CEACAM16: variants seen among roughly 807,000 people sequenced by gnomAD.
The protein encoded by CEACAM16 is cell adhesion molecule CEACAM16.
Under a neutral mutation model 39.4 loss-of-function variants are expected in CEACAM16, and 30 were observed. The ratio of observed to expected loss-of-function variants is 0.76; its 90% confidence interval spans 0.57 to 1.03. The LOEUF (loss-of-function observed/expected upper bound fraction) is 1.03, where lower values mean the gene tolerates loss of function less well. Among genes scored for constraint, CEACAM16 ranks in the 50% least tolerant of loss-of-function variants. The probability of loss-of-function intolerance (pLI) is 0.00; values close to 1 mark genes in which losing one functional copy is unlikely to be tolerated. For synonymous variants in CEACAM16, 262 were observed against 264.9 expected (o/e 0.99, Z 0.11); for missense variants, 521 against 585.3 (o/e 0.89, Z 1.13).
In CEACAM16 at chr19:44,699,739, G is replaced by A. The variant is rs114151928; in HGVS notation, c.-97+479G>A. Among the ~76,000 whole-genome samples the A allele has an allele frequency of 7.8e-3, 1,184 of 152,226 alleles. 17 individuals are homozygous for A. Among genetic ancestry groups the A allele is most frequent in the African/African-American group, 0.026 (1,099 of 41,534 alleles). ...TAACAGGCATACCAATCAGACCCAC[G>A]TCCACCAGGCTCTGGCTTAAATCCC... On this transcript the variant is annotated intron_variant, in intron 1 of 6. Transcript: ENST00000587331.
At chr19:44,706,385 T>C (rs1045661321) in intron 5 of CEACAM16, among the ~76,000 whole-genome samples, 1 of 152,092 alleles carries the variant, frequency 6.6e-6, no homozygotes, top group Non-Finnish European at 1.5e-5. Flanking sequence ...GCTTCTGTCC[T>C]AAAATGACCT....
At chr19:44,705,992 C>T in intron 5 of CEACAM16, 124 bp downstream of exon 5, 1 of 1,198,786 alleles carries the variant, frequency 8.3e-7, no homozygotes, top group Non-Finnish European at 1.2e-6. Context: ...CATTCATGAG[C>T]TGTGACAAAG....
intron 4 of CEACAM16, among the ~76,000 whole-genome samples, chr19:44,704,960 T>A (rs1175678943): frequency 6.6e-6 from 1 of 152,100 alleles, no homozygotes; most frequent in East Asian, 1.9e-4. Context: ...AACCAAAGCA[T>A]GCAGTCGTTC....
At chr19:44,700,985 G>T (rs968409698) in intron 1 of CEACAM16, among the ~76,000 whole-genome samples, 1 of 152,178 alleles carries the variant, frequency 6.6e-6, no homozygotes, top group African/African-American at 2.4e-5. Context: ...CATCCGCTGA[G>T]ACAACACCTG....
chr19:44,699,365 G>T (rs1251413539), intron 1 of CEACAM16, 105 bp downstream of exon 1: 1 of 502,634 alleles, frequency 2.0e-6, no homozygotes. Context: ...CTGAGGCTTG[G>T]CAGAGTCCAT....
At position 44,704,058 on chromosome 19, in the gene CEACAM16, G is replaced by A. The variant is rs1181779474; in HGVS notation, c.423G>A (p.Ala141=). The change falls in exon 4 of 7, where the codon GCG becomes GCA. Residue 141 remains alanine, a synonymous_variant. Coordinates refer to ENST00000587331, the MANE Select transcript of CEACAM16 (RefSeq NM_001039213.4). ...AQPTVLANST[A]LVERRDTLRL... is the part of the protein sequence containing the mutation. ...CCACAGTCTTGGCCAACAGCACAGCGCTGGTGGAACGTCGAGACACCCTGC... is the reference window on the plus strand; with the variant it reads ...CCACAGTCTTGGCCAACAGCACAGCACTGGTGGAACGTCGAGACACCCTGC... 23 of 1,610,392 alleles carry A rather than the reference G, an allele frequency of 1.4e-5. No individual in the cohort carries two copies. Among genetic ancestry groups the A allele is most frequent in the South Asian group, 4.4e-5 (4 of 90,714 alleles).
rs551887849 is a variant in CEACAM16 at position 44,703,476 on chromosome 19, G to A, written c.165G>A (p.Ala55=). 2.9e-5 allele frequency: 47 copies of A among 1,613,804 alleles called. 1 individual carries two copies. Among genetic ancestry groups the A allele is most frequent in the Admixed American group, 2.8e-4 (17 of 60,008 alleles). ...SGELLAYSWY[A]GPTLSVSYLV... ...AACTGCTCGCCTACAGCTGGTATGC[G>A]GGGCCCACACTCAGCGTGTCATACC... Residue 55 remains alanine, a synonymous_variant, in exon 3 of 7, where the codon GCG becomes GCA. Coordinates refer to ENST00000587331, the MANE Select transcript of CEACAM16 (RefSeq NM_001039213.4).
rs1456226708 is a variant in CEACAM16 at position 44,703,402 on chromosome 19, C to A, written c.91C>A (p.Pro31Thr). ...CTCTATCACCCTGGAGCCTGCCCAGCCGAGCGAAGGGGACAACGTCACGCT... is the reference window on the plus strand; with the variant it reads ...CTCTATCACCCTGGAGCCTGCCCAGACGAGCGAAGGGGACAACGTCACGCT... ...EISITLEPAQ[P>T]SEGDNVTLVV... The change falls in exon 3 of 7, where the codon CCG becomes ACG. Residue 31 changes from proline to threonine, a missense_variant. Pro to Thr is a conservative substitution (Grantham distance 38). Coordinates refer to ENST00000587331, the MANE Select transcript of CEACAM16 (RefSeq NM_001039213.4). 1.2e-6 allele frequency: 2 copies of A among 1,613,770 alleles called. No individual in the cohort carries two copies. The highest frequency in any genetic ancestry group is 1.7e-6 in the Non-Finnish European group (2 of 1,179,890).
chr19:44,704,092 T>C lies in CEACAM16; in HGVS notation c.457T>C (p.Cys153Arg), dbSNP rs1974399067. Residue 153 changes from cysteine to arginine, a missense_variant, in exon 4 of 7, where the codon TGC becomes CGC. Transcript: ENST00000587331. The stretch of plus-strand genomic sequence containing the variant: ...ACGTCGAGACACCCTGCGCCTTATG[T>C]GCAGCAGCCCCAGCCCCACCGCCGA... ...VERRDTLRLMCSSPSPTAEVR... is the reference protein window; with the variant it reads ...VERRDTLRLMRSSPSPTAEVR... The C allele has an allele frequency of 6.2e-7, 1 of 1,607,702 alleles. No individual in the cohort carries two copies. Among genetic ancestry groups the C allele is most frequent in the South Asian group, 1.1e-5 (1 of 89,974 alleles).
At chr19:44,707,369 T>A (rs1333676427) in intron 5 of CEACAM16, among the ~76,000 whole-genome samples, 4 of 152,114 alleles carry the variant, frequency 2.6e-5, no homozygotes, top group Non-Finnish European at 5.9e-5. Flanking sequence ...TTGTAGGAAT[T>A]TTCAATCTGA....
At position 44,701,224 on chromosome 19, in the gene CEACAM16, G is replaced by T. The variant is rs928602763; in HGVS notation, c.-96-137G>T. 3.2e-6 allele frequency: 2 copies of T among 616,016 alleles called. No homozygotes were observed. The highest frequency in any genetic ancestry group is 5.8e-6 in the Non-Finnish European group (2 of 344,774). 38.2% of individuals were successfully genotyped at this position (616,016 alleles called of 1,614,324 possible). ...GAGGGTTAGGCGGCTGCCCCAGGAGGCCTGCCCAGGTCACGGCCTCTGGCC... is the reference window on the plus strand; with the variant it reads ...GAGGGTTAGGCGGCTGCCCCAGGAGTCCTGCCCAGGTCACGGCCTCTGGCC... On this transcript the variant is annotated intron_variant, in intron 1 of 6. Transcript: ENST00000587331. The surrounding 1 kb of genome is among the most constrained non-coding windows in gnomAD (Gnocchi z 4.0).
Position 44,710,603 on chromosome 19 carries a change from C to A in CEACAM16, c.*97C>A, listed in dbSNP as rs1430897331. 3 of 1,538,344 alleles carry A rather than the reference C, an allele frequency of 2.0e-6. No homozygotes were observed. Among genetic ancestry groups the A allele is most frequent in the African/African-American group, 2.7e-5 (2 of 73,520 alleles). On this transcript the variant is annotated 3_prime_UTR_variant, in exon 7 of 7. Transcript: ENST00000587331. ...GAACCACTCCCCCACAGCGAGGATG[C>A]CAGGCTGTGGTCCTGCTGTTCTCCT... is the stretch of plus-strand genomic sequence containing the variant.
intron 5 of CEACAM16, 77 bp downstream of exon 5, chr19:44,705,945 G>T: frequency 1.3e-6 from 2 of 1,486,304 alleles, no homozygotes; most frequent in Non-Finnish European, 9.2e-7. Flanking sequence ...GCCACCATTT[G>T]CCCAACAGAG....
intron 2 of CEACAM16, among the ~76,000 whole-genome samples, chr19:44,702,512 A>T (rs939668849): frequency 2.6e-5 from 4 of 152,260 alleles, no homozygotes; most frequent in African/African-American, 4.8e-5. Flanking sequence ...AGTCCTTTTG[A>T]CGTGAGCACT....
rs1284160624 is a variant in CEACAM16 at position 44,708,010 on chromosome 19, C to T, written c.1090C>T (p.Gln364Ter). 1 of 1,610,468 alleles carries T rather than the reference C, an allele frequency of 6.2e-7. No individual in the cohort carries two copies. Among genetic ancestry groups the T allele is most frequent in the Non-Finnish European group, 8.5e-7 (1 of 1,178,840 alleles). The change falls in exon 6 of 7, where the codon CAG becomes TAG. Residue 364 changes from glutamine to a stop codon, truncating the protein, a stop_gained. Coordinates refer to ENST00000587331, the MANE Select transcript of CEACAM16 (RefSeq NM_001039213.4). LOFTEE classifies it high-confidence loss of function. The part of the protein sequence containing the change: ...PASEPNRLLS[Q>*]LPSGTWIAGP... Reference sequence around the variant, plus strand: ...CTCCGAGCCCAACCGGCTGCTCAGCCAGCTGCCGTCAGGAACCTGGATTGC... The same window carrying T: ...CTCCGAGCCCAACCGGCTGCTCAGCTAGCTGCCGTCAGGAACCTGGATTGC...
intron 2 of CEACAM16, among the ~76,000 whole-genome samples, chr19:44,702,012 G>T (rs1352824477): frequency 6.6e-6 from 1 of 152,084 alleles, no homozygotes; most frequent in Admixed American, 6.5e-5. Flanking sequence ...CCTATGAGGG[G>T]CCGGGCAAGG....
chr19:44,710,671 C>A lies in CEACAM16; in HGVS notation c.*165C>A. 2 of 961,114 alleles carry A rather than the reference C, an allele frequency of 2.1e-6. No homozygotes were observed. The highest frequency in any genetic ancestry group is 3.1e-6 in the Non-Finnish European group (2 of 635,322). 59.5% of individuals were successfully genotyped at this position (961,114 alleles called of 1,614,324 possible). A position where few individuals can be genotyped will look rare whatever the true frequency, so the allele number is the denominator to read the frequency against. ...AGAGCCACAGGGCCCCACTCCCTCGCTGAGCTGTTGGGGAGCCACCGAGGC... is the reference window on the plus strand; with the variant it reads ...AGAGCCACAGGGCCCCACTCCCTCGATGAGCTGTTGGGGAGCCACCGAGGC... On this transcript the variant is annotated 3_prime_UTR_variant, in exon 7 of 7. Transcript: ENST00000587331.
At chr19:44,703,312 C>T (rs764180299) in intron 2 of CEACAM16, 37 bp from the exon 3 acceptor site, 2 of 1,569,800 alleles carry the variant, frequency 1.3e-6, no homozygotes, top group Admixed American at 1.7e-5. Context: ...ATTGATCAAA[C>T]CTGCCTCATC....
chr19:44,706,817 G>A lies in CEACAM16; in HGVS notation c.940+949G>A, dbSNP rs191013499. ...GGGAGTGGATACAGTGCCCCCAAGG[G>A]CTTCTAGCACTGTCAGCAACTCTGT... On this transcript the variant is annotated intron_variant, in intron 5 of 6. Coordinates refer to ENST00000587331, the MANE Select transcript of CEACAM16 (RefSeq NM_001039213.4). Among the ~76,000 whole-genome samples the A allele has an allele frequency of 9.2e-5, 14 of 152,306 alleles. No homozygotes were observed. The East Asian group carries it at 2.5e-3, about 27-fold the overall frequency.
Sources: allele counts gnomAD v4.1 joint callset (sites outside exome capture counted in the v4.1 genomes callset), GRCh38; gene constraint gnomAD v4.1.1; non-coding constraint Gnocchi (gnomAD v3.1); transcripts MANE v1.5; gene names NCBI Gene and HGNC (gene_info 2026-07-23, HGNC 2026-07-21).